Variants in CSMD3 observed in about 807,000 individuals in gnomAD.
The protein encoded by CSMD3 is CUB and Sushi multiple domains 3.
CSMD3 carries 177 observed loss-of-function variants against 435.2 expected under a neutral mutation model. The observed-to-expected ratio is 0.41, with a 90% CI of 0.36 to 0.46. The LOEUF (loss-of-function observed/expected upper bound fraction) is 0.46, where lower values mean the gene tolerates loss of function less well. Among genes scored for constraint, CSMD3 ranks in the 20% least tolerant of loss-of-function variants. The probability of loss-of-function intolerance (pLI) is 0.34; values close to 1 mark genes in which losing one functional copy is unlikely to be tolerated. For synonymous variants in CSMD3, 1,656 were observed against 1,520.5 expected, an observed-to-expected ratio of 1.09 and a Z score of -2.07; for missense variants, 4,265 against 4,504.6, an observed-to-expected ratio of 0.95 and a Z score of 1.52.
intron 4 of CSMD3, among the ~76,000 whole-genome samples, chr8:113,122,270 A>G (rs2131639683): frequency 6.6e-6 from 1 of 152,196 alleles, no homozygotes; most frequent in Non-Finnish European, 1.5e-5. Flanking sequence ...ATTTGGGAAA[A>G]TTAGCTCAGA....
At chr8:112,464,914 G>C (rs920066240) in intron 32 of CSMD3, among the ~76,000 whole-genome samples, 1 of 152,056 alleles carries the variant, frequency 6.6e-6, no homozygotes. Context: ...AATCATCAGC[G>C]TTATTGCCTT....
rs115728987 is a variant in CSMD3 at position 112,519,008 on chromosome 8, C to T, written c.4565-1783G>A. Among the ~76,000 whole-genome samples, 1,291 of 152,090 alleles carry T rather than the reference C, an allele frequency of 8.5e-3. 17 individuals are homozygous for T. The highest frequency in any genetic ancestry group is 0.03 in the African/African-American group (1,242 of 41,482). On this transcript the variant is annotated intron_variant, in intron 27 of 70. Transcript: ENST00000297405. ...TCAAGAGAAGAGCAAGGGAGAAGTC[C>T]GCTCCTGTGATTCAATCACCTCCCA...
intron 1 of CSMD3, among the ~76,000 whole-genome samples, chr8:113,385,606 A>C (rs1040314303): frequency 6.6e-6 from 1 of 152,096 alleles, no homozygotes; most frequent in Non-Finnish European, 1.5e-5. Flanking sequence ...TGTGGGAACA[A>C]AAGTGTCAAA....
At chr8:112,687,903 C>T (rs1191782916) in intron 14 of CSMD3, among the ~76,000 whole-genome samples, 2 of 152,142 alleles carry the variant, frequency 1.3e-5, no homozygotes, top group African/African-American at 4.8e-5. Context: ...CACATACTTA[C>T]TCCTAATCCC....
chr8:113,302,685 A>C (rs2093782816), intron 2 of CSMD3, among the ~76,000 whole-genome samples: 1 of 151,750 alleles, frequency 6.6e-6, no homozygotes, highest in Non-Finnish European at 1.5e-5. Flanking sequence ...ATAGATGCAG[A>C]AAAAGCCTTT....
At position 112,638,853 on chromosome 8, in the gene CSMD3, G is replaced by C. The variant is rs2131589830; in HGVS notation, c.3369C>G (p.Ile1123Met). 1 of 1,613,340 alleles carries C rather than the reference G, an allele frequency of 6.2e-7. No individual in the cohort carries two copies. The highest frequency in any genetic ancestry group is 8.5e-7 in the Non-Finnish European group (1 of 1,179,548). ...GTTGGGTAAAACTGCCATTCTCTGT[G>C]ATCAGTAAGTAGTCATGATGGTCTT... ...HLEDHHDYLLITENGSFTQPL... is the reference protein window; with the variant it reads ...HLEDHHDYLLMTENGSFTQPL... The change falls in exon 21 of 71, where the codon ATC (isoleucine) becomes ATG (methionine). Residue 1123 changes from isoleucine to methionine, a missense_variant. Transcript: ENST00000297405.
At chr8:112,786,482 C>A (rs573238913) in intron 13 of CSMD3, among the ~76,000 whole-genome samples, 1 of 151,598 alleles carries the variant, frequency 6.6e-6, no homozygotes, top group Non-Finnish European at 1.5e-5. Context: ...AGAGAAAACA[C>A]ACAAAATGGG....
At position 112,503,980 on chromosome 8, in the gene CSMD3, G is replaced by GAA; in HGVS notation, c.4896-5_4896-4dup. 8 of 1,428,122 alleles carry GAA rather than the reference G, an allele frequency of 5.6e-6. No individual in the cohort carries two copies. Among genetic ancestry groups the GAA allele is most frequent in the Non-Finnish European group, 7.7e-6 (8 of 1,034,750 alleles). The allele number at this position is 1,428,122 out of a possible 1,614,324, so 88.5% of individuals were successfully genotyped here. On this transcript the variant is annotated splice_polypyrimidine_tract_variant and splice_region_variant and intron_variant, in intron 29 of 70. Transcript: ENST00000297405. ...CATAGTTTGGTTCTATGCTAAAACT[G>GAA]AAAAAAAAAAGGAAAGAACAAAAGA...
chr8:112,607,450 C>G (rs745735335), intron 22 of CSMD3, among the ~76,000 whole-genome samples: 2 of 152,022 alleles, frequency 1.3e-5, no homozygotes. Context: ...TTCCAAAGAA[C>G]TGAAGAGGAG....
At chr8:113,425,757 G>A (rs1252280875) in intron 1 of CSMD3, among the ~76,000 whole-genome samples, 1 of 151,502 alleles carries the variant, frequency 6.6e-6, no homozygotes, top group African/African-American at 2.4e-5. Context: ...TAAAAAGAGC[G>A]TTGAACATGA....
At chr8:113,113,943 T>C (rs754145763) in intron 4 of CSMD3, among the ~76,000 whole-genome samples, 4 of 152,138 alleles carry the variant, frequency 2.6e-5, no homozygotes, top group Non-Finnish European at 4.4e-5. Flanking sequence ...CTGACATAAA[T>C]TGCAGAATCA....
At chr8:112,609,543 GGAACCCTTATACA>G (rs2131460506) in intron 22 of CSMD3, among the ~76,000 whole-genome samples, 1 of 152,190 alleles carries the variant, frequency 6.6e-6, no homozygotes, top group East Asian at 1.9e-4. Context: ...TGGAGAAAGG[GGAACCCTTATACA>G]TTGTTGGTGG....
chr8:112,847,422 A>G (rs2080355194), intron 11 of CSMD3, among the ~76,000 whole-genome samples: 1 of 152,034 alleles, frequency 6.6e-6, no homozygotes, highest in Admixed American at 6.6e-5. Context: ...AGTTGGGATA[A>G]ACTATCAGGT....
At chr8:112,811,474 TAAG>T (rs2079226839) in intron 12 of CSMD3, among the ~76,000 whole-genome samples, 1 of 152,134 alleles carries the variant, frequency 6.6e-6, no homozygotes, top group African/African-American at 2.4e-5. Flanking sequence ...CTTTTTGAAA[TAAG>T]AACATCAAGG....
At chr8:112,612,603 G>A (rs891876441) in intron 22 of CSMD3, among the ~76,000 whole-genome samples, 1 of 150,984 alleles carries the variant, frequency 6.6e-6, no homozygotes, top group Admixed American at 6.6e-5. Flanking sequence ...GGGAAACAGC[G>A]TTCTTCTGAG....
intron 13 of CSMD3, among the ~76,000 whole-genome samples, chr8:112,715,215 A>G (rs2076697839): frequency 6.6e-6 from 1 of 152,160 alleles, no homozygotes; most frequent in African/African-American, 2.4e-5. Flanking sequence ...AATCAAATAG[A>G]CACAATAAAA....
At chr8:113,199,012 A>C (rs2092690007) in intron 3 of CSMD3, among the ~76,000 whole-genome samples, 1 of 150,856 alleles carries the variant, frequency 6.6e-6, no homozygotes, top group Non-Finnish European at 1.5e-5. Context: ...GACTCTCATT[A>C]TGCTAATTGG....
At chr8:112,993,852 G>C (rs1307407637) in intron 6 of CSMD3, among the ~76,000 whole-genome samples, 1 of 151,770 alleles carries the variant, frequency 6.6e-6, no homozygotes, top group Non-Finnish European at 1.5e-5. Flanking sequence ...GACATAGGCA[G>C]AGAGAGGAGA....
chr8:112,404,968 A>G (rs1004601238), intron 35 of CSMD3, among the ~76,000 whole-genome samples: 1 of 151,278 alleles, frequency 6.6e-6, no homozygotes, highest in African/African-American at 2.4e-5. Flanking sequence ...ACTTGAGGCT[A>G]GGAGTTTGAT....
Sources: allele counts gnomAD v4.1 joint callset (sites outside exome capture counted in the v4.1 genomes callset), GRCh38; gene constraint gnomAD v4.1.1; transcripts MANE v1.5; gene names NCBI Gene and HGNC (gene_info 2026-07-23, HGNC 2026-07-21).